KLC1: variants seen among roughly 807,000 people sequenced by gnomAD.
The protein encoded by KLC1 is kinesin light chain 1, also known as kinesin 2 60/70kDa.
Under a neutral mutation model 84.2 loss-of-function variants are expected in KLC1, and 30 were observed. The ratio of observed to expected loss-of-function variants is 0.36; its 90% confidence interval spans 0.27 to 0.48. The LOEUF (loss-of-function observed/expected upper bound fraction) is 0.48. KLC1 is among the 20% of genes least tolerant of loss of function. KLC1 has a pLI of 0.99. For synonymous variants in KLC1, 289 were observed against 293.3 expected (o/e 0.99, Z 0.15); for missense variants, 499 against 805.4 (o/e 0.62, Z 4.60).
At chr14:103,633,346 C>T (rs943110213) in intron 1 of KLC1, among the ~76,000 whole-genome samples, 1 of 151,892 alleles carries the variant, frequency 6.6e-6, no homozygotes, top group African/African-American at 2.4e-5. Context: ...CGTGAGCCAC[C>T]GCGCCTGGCC....
chr14:103,693,524 G>A lies in KLC1; in HGVS notation c.1848+1099G>A, dbSNP rs1055910032. The A allele has an allele frequency of 1.4e-5, 22 of 1,535,738 alleles. No individual in the cohort carries two copies. The highest frequency in any genetic ancestry group is 2.4e-5 in the East Asian group (1 of 40,908). On this transcript the variant is annotated intron_variant, in intron 15 of 16. Transcript: ENST00000334553. This position sits in a 1 kb window ranked among gnomAD's most constrained non-coding sequence, Gnocchi z 5.1. ...GCATCATTTGAAGTCCTGGTTAAGT[G>A]TAATTTTTCTATTTGTTTTTTCATG... is the stretch of plus-strand genomic sequence containing the variant.
At chr14:103,637,530 A>C (rs2077140026) in intron 1 of KLC1, among the ~76,000 whole-genome samples, 1 of 142,764 alleles carries the variant, frequency 7.0e-6, no homozygotes, top group Non-Finnish European at 1.5e-5. Flanking sequence ...ACTCTGTTTC[A>C]AAAAAAAAAA....
At chr14:103,673,716 G>A (rs955856678) in intron 9 of KLC1, among the ~76,000 whole-genome samples, 3 of 152,076 alleles carry the variant, frequency 2.0e-5, no homozygotes, top group Admixed American at 6.5e-5. Flanking sequence ...GAGGTCAGGC[G>A]ATCGAGACCA....
rs540144260 is a variant in KLC1 at position 103,690,711 on chromosome 14, G to T, written c.1782-1648G>T. Among the ~76,000 whole-genome samples the T allele has an allele frequency of 2.0e-5, 3 of 152,276 alleles. No homozygotes were observed. The South Asian group carries it at 6.2e-4, about 32-fold the overall frequency. On this transcript the variant is annotated intron_variant, in intron 14 of 16. Transcript: ENST00000334553. ...GGTTGCTTTAGCTTTAAAACTTCAG[G>T]GGAGTTTATGTTCAAAGGCATCCAT...
At chr14:103,652,114 A>G (rs1444161342) in intron 1 of KLC1, among the ~76,000 whole-genome samples, 1 of 152,186 alleles carries the variant, frequency 6.6e-6, no homozygotes, top group Non-Finnish European at 1.5e-5. Context: ...CATCATTTGG[A>G]TATAATACAT....
At chr14:103,673,829 A>G (rs547241132) in intron 9 of KLC1, among the ~76,000 whole-genome samples, 6 of 152,086 alleles carry the variant, frequency 3.9e-5, no homozygotes, top group Admixed American at 3.9e-4. Flanking sequence ...AGGCTAAGGC[A>G]GGAGAATGGC....
chr14:103,667,801 T>C (rs1252941127), intron 5 of KLC1, among the ~76,000 whole-genome samples: 2 of 152,228 alleles, frequency 1.3e-5, no homozygotes, highest in Admixed American at 1.3e-4. Context: ...TTTCTCACGT[T>C]TTTCAGGGGA....
Position 103,693,168 on chromosome 14 carries a change from G to A in KLC1, c.1848+743G>A, listed in dbSNP as rs1254037306. Among the ~76,000 whole-genome samples, 2 of 152,112 alleles carry A rather than the reference G, an allele frequency of 1.3e-5. No homozygotes were observed. The highest frequency in any genetic ancestry group is 3.9e-4 in the East Asian group (2 of 5,178). The stretch of plus-strand genomic sequence containing the variant: ...GTGGCCAGGCACTGCCCTCCCAGTT[G>A]TCCAGATCCACTAATCCTCACAGAC... On this transcript the variant is annotated intron_variant, in intron 15 of 16. Transcript: ENST00000334553. The surrounding 1 kb of genome is among the most constrained non-coding windows in gnomAD (Gnocchi z 5.1).
At position 103,696,788 on chromosome 14, in the gene KLC1, G is replaced by C. The variant is rs1010127919; in HGVS notation, c.1849-3867G>C. ...TGAGGCAATGAGGGTCAGGGCGCGT[G>C]GTCCCTGAGGGAGGGTCTTCAGGGC... On this transcript the variant is annotated intron_variant, in intron 15 of 16. Coordinates refer to ENST00000334553, the MANE Select transcript of KLC1 (RefSeq NM_001394837.1). 4.1e-6 allele frequency: 4 copies of C among 985,354 alleles called. 1 individual carries two copies. The African/African-American group carries it at 7.0e-5, about 17-fold the overall frequency. The allele number at this position is 985,354 out of a possible 1,614,324, so 61.0% of individuals were successfully genotyped here.
chr14:103,659,451 A>G (rs992479106), intron 3 of KLC1, among the ~76,000 whole-genome samples: 3 of 152,220 alleles, frequency 2.0e-5, no homozygotes, highest in African/African-American at 7.2e-5. Context: ...ATCGTCCATA[A>G]TCATAGAACA....
chr14:103,685,134 G>A, intron 13 of KLC1: 1 of 1,477,450 alleles, frequency 6.8e-7, no homozygotes, highest in South Asian at 1.3e-5. Context: ...ATTGCTGCCT[G>A]TGGAAATTAA....
At chr14:103,666,509 C>G (rs77911171) in intron 5 of KLC1, among the ~76,000 whole-genome samples, 1 of 152,072 alleles carries the variant, frequency 6.6e-6, no homozygotes, top group Non-Finnish European at 1.5e-5. Flanking sequence ...GGGACCACAC[C>G]GGAGAACCAC....
intron 15 of KLC1, 145 bp downstream of exon 15, chr14:103,692,570 T>A: frequency 1.6e-6 from 1 of 607,840 alleles, no homozygotes; most frequent in South Asian, 2.0e-5. Context: ...CAGACAGTTG[T>A]GACAGTAGTA....
chr14:103,631,111 C>G (rs1256357274), intron 1 of KLC1, among the ~76,000 whole-genome samples: 1 of 150,976 alleles, frequency 6.6e-6, no homozygotes, highest in African/African-American at 2.4e-5. Flanking sequence ...GATGGAGTCT[C>G]GCTCTGTCGC....
chr14:103,671,766 GAA>G (rs2080406063), intron 7 of KLC1, among the ~76,000 whole-genome samples: 1 of 152,134 alleles, frequency 6.6e-6, no homozygotes, highest in African/African-American at 2.4e-5. Context: ...TTGGGGGAGA[GAA>G]AATAAAAAGG....
intron 1 of KLC1, among the ~76,000 whole-genome samples, chr14:103,642,438 A>C (rs1210269663): frequency 6.6e-6 from 1 of 152,186 alleles, no homozygotes; most frequent in Non-Finnish European, 1.5e-5. Context: ...AATGTCCTTA[A>C]ATTTGGGTTT....
chr14:103,684,459 G>A (rs1479650831), intron 13 of KLC1, among the ~76,000 whole-genome samples: 2 of 152,226 alleles, frequency 1.3e-5, no homozygotes, highest in African/African-American at 2.4e-5. Context: ...CAGGGCAGCC[G>A]CCGGCCTTCC....
intron 7 of KLC1, 135 bp downstream of exon 7, chr14:103,670,418 C>T: frequency 1.8e-6 from 1 of 545,234 alleles, no homozygotes; most frequent in Non-Finnish European, 3.3e-6. Context: ...CTCACTGCAA[C>T]CCCCACCTCC....
chr14:103,654,462 T>TC, intron 1 of KLC1, 102 bp from the exon 2 acceptor site: 1 of 819,958 alleles, frequency 1.2e-6, no homozygotes, highest in South Asian at 2.0e-5. Flanking sequence ...TATTTATTAT[T>TC]CCCCTATAAA....
Sources: gnomAD v4.1 joint callset for allele counts (sites outside exome capture counted in the v4.1 genomes callset) on GRCh38, gnomAD v4.1.1 for gene constraint, Gnocchi (gnomAD v3.1) non-coding constraint, MANE v1.5 for transcripts, NCBI Gene and HGNC (gene_info 2026-07-23, HGNC 2026-07-21) for gene names.